The following PTCH1 variants were observed in gnomAD, a reference collection of about 807,000 sequenced individuals.
PTCH1 encodes the protein patched 1, also known as protein patched homolog 1.
Under a neutral mutation model 144.6 loss-of-function variants are expected in PTCH1, and 14 were observed. The observed-to-expected ratio is 0.10, with a 90% CI of 0.06 to 0.15. PTCH1 has a LOEUF of 0.15. Ranked by LOEUF, PTCH1 falls within the 10% of genes least tolerant of loss-of-function variation. The probability of loss-of-function intolerance (pLI) is 1.00; values close to 1 mark genes in which losing one functional copy is unlikely to be tolerated. For missense variants in PTCH1, 1,623 were observed against 1,948.3 expected, an observed-to-expected ratio of 0.83 and a Z score of 3.14; for synonymous variants, 833 against 793.6, an observed-to-expected ratio of 1.05 and a Z score of -0.83.
intron 1 of PTCH1, chr9:95,516,446 G>A (rs371563902): frequency 7.1e-7 from 1 of 1,399,932 alleles, no homozygotes; most frequent in African/African-American, 1.5e-5. Context: ...GGCGTCGGCG[G>A]CCGCCGCGCT....
chr9:95,508,290 C>T lies in PTCH1; in HGVS notation c.72G>A (p.Pro24=), dbSNP rs1387512702. The change falls in exon 1 of 24, where the codon CCG becomes CCA. Residue 24 remains proline (P), a synonymous_variant. Transcript: ENST00000331920. ...GCCTCCCGCCTCCAGCCGGCCGTCC[C>T]GGGGCACCGATACAGCCGCTGCCGC... is the stretch of plus-strand genomic sequence containing the variant. The part of the protein sequence containing the change: ...GGGGSGCIGA[P]GRPAGGGRRR... The T allele has an allele frequency of 6.5e-7, 1 of 1,532,376 alleles. No individual in the cohort carries two copies. The highest frequency in any genetic ancestry group is 1.2e-5 in the South Asian group (1 of 82,318). The allele number at this position is 1,532,376 out of a possible 1,614,324, so 94.9% of individuals were successfully genotyped here.
intron 2 of PTCH1, among the ~76,000 whole-genome samples, chr9:95,497,518 C>A (rs955332415): frequency 6.6e-5 from 10 of 152,202 alleles, no homozygotes; most frequent in African/African-American, 2.2e-4. Flanking sequence ...TGCACCCACC[C>A]GGGAGGGCTT....
chr9:95,514,866 G>C (rs1015535361), intron 1 of PTCH1, among the ~76,000 whole-genome samples: 5 of 152,194 alleles, frequency 3.3e-5, no homozygotes, highest in African/African-American at 1.2e-4. Flanking sequence ...CTCACAGTGA[G>C]TTTGAAATGA....
At chr9:95,489,161 G>A (rs745768313) in intron 2 of PTCH1, among the ~76,000 whole-genome samples, 7 of 152,138 alleles carry the variant, frequency 4.6e-5, no homozygotes, top group African/African-American at 7.2e-5. Flanking sequence ...TTACTGACTC[G>A]TCTGACATTT....
At position 95,508,892 on chromosome 9, in the gene PTCH1, G is replaced by A. The variant is rs1843977357; in HGVS notation, c.-531C>T. On this transcript the variant is annotated 5_prime_UTR_variant, in exon 1 of 24. Coordinates refer to ENST00000331920, the MANE Select transcript of PTCH1 (RefSeq NM_000264.5). ...GCAAGCGCAGAGCCGCCGCCGCCGC[G>A]GGGTCCGAGGGTGCCCGGCGGGTCT... 1.1e-6 allele frequency: 1 copy of A among 917,874 alleles called. No homozygotes were observed. Among genetic ancestry groups the A allele is most frequent in the Non-Finnish European group, 1.3e-6 (1 of 768,942 alleles). The allele number at this position is 917,874 out of a possible 1,614,324, so 56.9% of individuals were successfully genotyped here. A position where few individuals can be genotyped will look rare whatever the true frequency, so the allele number is the denominator to read the frequency against.
At chr9:95,510,524 C>T (rs1329831033), upstream of PTCH1, among the ~76,000 whole-genome samples, 1 of 152,054 alleles carries the variant, frequency 6.6e-6, no homozygotes, top group Non-Finnish European at 1.5e-5. Flanking sequence ...TTTTTGTTTT[C>T]GGAAAGTGGA....
intron 1 of PTCH1, among the ~76,000 whole-genome samples, chr9:95,514,807 A>G (rs906870557): frequency 1.3e-5 from 2 of 152,244 alleles, no homozygotes; most frequent in African/African-American, 4.8e-5. Flanking sequence ...TTTTGTTCAA[A>G]TAGCTTCAAA....
At chr9:95,467,009 G>A (rs56072436) in intron 15 of PTCH1, 107 bp downstream of exon 15, 14 of 1,230,514 alleles carry the variant, frequency 1.1e-5, no homozygotes, top group African/African-American at 6.1e-5. Flanking sequence ...CATGAAACAC[G>A]TCAGTGTTAC....
chr9:95,501,884 C>T (rs1843171302), intron 2 of PTCH1, among the ~76,000 whole-genome samples: 1 of 152,138 alleles, frequency 6.6e-6, no homozygotes, highest in Admixed American at 6.5e-5. Flanking sequence ...AAAATAACAC[C>T]AGTCTGTGCC....
rs1007078245 is a variant in PTCH1 at position 95,453,025 on chromosome 9, G to A, written c.3449+453C>T. ...GAAGAGAGCTTGTCTTTATACCTCC[G>A]AATATCTCTACGTTAACAAGTTCAA... On this transcript the variant is annotated intron_variant, in intron 20 of 23. Transcript: ENST00000331920. 4 of 294,994 alleles carry A rather than the reference G, an allele frequency of 1.4e-5. No individual in the cohort carries two copies. In the Admixed American group the frequency reaches 1.4e-4, roughly 11 times the overall value. The allele number at this position is 294,994 out of a possible 1,614,324, so 18.3% of individuals were successfully genotyped here.
chr9:95,516,848 C>G (rs1217603889), exon 1 of PTCH1: 4 of 1,576,448 alleles, frequency 2.5e-6, no homozygotes, highest in Non-Finnish European at 2.6e-6. Flanking sequence ...GTCTGCCGCG[C>G]CATAGGCAGG....
intron 12 of PTCH1, among the ~76,000 whole-genome samples, chr9:95,474,603 G>T (rs1840874853): frequency 6.6e-6 from 1 of 152,094 alleles, no homozygotes; most frequent in African/African-American, 2.4e-5. Context: ...AATTGGCATA[G>T]AATCTTTTCT....
At chr9:95,459,467 A>T in intron 17 of PTCH1, 133 bp downstream of exon 17, 1 of 1,151,430 alleles carries the variant, frequency 8.7e-7, no homozygotes, top group Non-Finnish European at 1.3e-6. Flanking sequence ...GTTTTAAACG[A>T]GAAGAAATAG....
rs1837753226 is a variant in PTCH1, at chr9:95,444,838, G to A, written c.*1555C>T. ...GTGCTGGTCTCTGGTTACGAGATGA[G>A]GGAGCCCACACCTCAGAGCAAAAGA... is the stretch of plus-strand genomic sequence containing the variant. On this transcript the variant is annotated 3_prime_UTR_variant, in exon 24 of 24. Coordinates refer to ENST00000331920, the MANE Select transcript of PTCH1 (RefSeq NM_000264.5). 1 of 152,148 alleles carries A rather than the reference G, an allele frequency of 6.6e-6. No homozygotes were observed. The highest frequency in any genetic ancestry group is 1.5e-5 in the Non-Finnish European group (1 of 68,058). 9.4% of individuals were successfully genotyped at this position (152,148 alleles called of 1,614,324 possible).
chr9:95,516,898 C>A (rs1844393204), exon 1 of PTCH1: 1 of 1,266,654 alleles, frequency 7.9e-7, no homozygotes. Flanking sequence ...AACTTTACCC[C>A]TTTACAATAA....
chr9:95,465,173 C>G (rs996542545), intron 15 of PTCH1, among the ~76,000 whole-genome samples: 1 of 152,116 alleles, frequency 6.6e-6, no homozygotes, highest in African/African-American at 2.4e-5. Flanking sequence ...AAAGGTTAAC[C>G]CTTTGCACTG....
At chr9:95,511,046 T>A (rs989086971), upstream of PTCH1, among the ~76,000 whole-genome samples, 9 of 149,752 alleles carry the variant, frequency 6.0e-5, no homozygotes, top group Non-Finnish European at 4.5e-5. Flanking sequence ...CCGGCCCCCT[T>A]ACGCTGCCCA....
intron 10 of PTCH1, 151 bp downstream of exon 10, chr9:95,477,396 C>G (rs1463151051): frequency 7.3e-6 from 8 of 1,092,520 alleles, no homozygotes; most frequent in Non-Finnish European, 1.1e-5. Flanking sequence ...CAAGAGACAG[C>G]ATTCCCCTGA....
chr9:95,457,381 A>G (rs1839035013), intron 18 of PTCH1, among the ~76,000 whole-genome samples: 1 of 152,214 alleles, frequency 6.6e-6, no homozygotes, highest in South Asian at 2.1e-4. Flanking sequence ...GTGCAGACAC[A>G]AAATCTGGCC....
Sources: allele counts gnomAD v4.1 joint callset (sites outside exome capture counted in the v4.1 genomes callset), GRCh38; gene constraint gnomAD v4.1.1; transcripts MANE v1.5; gene names NCBI Gene and HGNC (gene_info 2026-07-23, HGNC 2026-07-21).